The following CUL4A variants were observed in gnomAD, a reference collection of about 807,000 sequenced individuals.
The protein encoded by CUL4A is cullin 4A, also known as cullin-4A.
A neutral mutation model predicts 95.5 loss-of-function variants in CUL4A; 16 were observed. The ratio of observed to expected loss-of-function variants is 0.17; its 90% CI spans 0.11 to 0.25. The LOEUF is 0.25. Among genes scored for constraint, CUL4A ranks in the 10% least tolerant of loss-of-function variants. The pLI is 1.00. For synonymous variants in CUL4A, 380 were observed against 353.1 expected (o/e 1.08, Z -0.85); for missense variants, 610 against 937.0 (o/e 0.65, Z 4.56).
At chr13:113,245,863 C>A in intron 14 of CUL4A, 93 bp from the exon 15 acceptor site, 5 of 959,420 alleles carry the variant, frequency 5.2e-6, no homozygotes, top group Non-Finnish European at 7.8e-6. Context: ...ACAGATGAAA[C>A]TTTATATTGA....
chr13:113,231,974 A>ACCACCACCACCCGCCTACCACTGTTAC (rs2041328138), intron 5 of CUL4A, among the ~76,000 whole-genome samples: 2 of 147,950 alleles, frequency 1.4e-5, no homozygotes, highest in Non-Finnish European at 3.0e-5. Context: ...ATTATTAATA[A>ACCACCACCACCCGCCTACCACTGTTAC]TACTACCACC....
chr13:113,231,800 A>G (rs929312460), intron 5 of CUL4A, among the ~76,000 whole-genome samples: 3 of 152,168 alleles, frequency 2.0e-5, no homozygotes, highest in East Asian at 3.8e-4. Flanking sequence ...TGAAGTGCAC[A>G]GAAGACCTGG....
At chr13:113,244,851 A>C (rs897336573) in intron 12 of CUL4A, 98 bp from the exon 13 acceptor site, 7 of 817,664 alleles carry the variant, frequency 8.6e-6, no homozygotes, top group African/African-American at 3.5e-5. Flanking sequence ...AAAAAAAAAA[A>C]AAACACTTTT....
Position 113,242,958 on chromosome 13 carries a change from G to T in CUL4A, c.1036-10G>T. 1.3e-6 allele frequency: 2 copies of T among 1,596,392 alleles called. No individual in the cohort carries two copies. Among genetic ancestry groups the T allele is most frequent in the East Asian group, 2.2e-5 (1 of 44,448 alleles). On this transcript the variant is annotated splice_polypyrimidine_tract_variant and intron_variant, in intron 10 of 19. Coordinates refer to ENST00000375440, the MANE Select transcript of CUL4A (RefSeq NM_001008895.4). ...CATGTTGCTGAGTTGGTATTGATTT[G>T]CTTTTGTAGACTTTTGGAACAGCGA...
intron 2 of CUL4A, among the ~76,000 whole-genome samples, chr13:113,213,292 A>T (rs547866485): frequency 8.5e-5 from 13 of 152,260 alleles, no homozygotes; most frequent in African/African-American, 2.9e-4. Flanking sequence ...GGGCCCCCAC[A>T]CCACAACCTG....
intron 2 of CUL4A, among the ~76,000 whole-genome samples, chr13:113,214,137 T>G (rs190486493): frequency 6.6e-6 from 1 of 152,278 alleles, no homozygotes; most frequent in Admixed American, 6.5e-5. Flanking sequence ...CGTGTTTGGT[T>G]TTTGGTTTTG....
chr13:113,221,746 T>G (rs564242339), intron 3 of CUL4A, among the ~76,000 whole-genome samples: 4 of 151,998 alleles, frequency 2.6e-5, no homozygotes, highest in Non-Finnish European at 5.9e-5. Context: ...CTCGGCTAAT[T>G]TTTGTATTTT....
chr13:113,233,460 G>A (rs2041430683), intron 6 of CUL4A, 121 bp downstream of exon 6: 1 of 966,048 alleles, frequency 1.0e-6, no homozygotes, highest in East Asian at 2.6e-5. Flanking sequence ...AGATAGGAGA[G>A]TCTTTAAAAT....
intron 3 of CUL4A, among the ~76,000 whole-genome samples, chr13:113,222,677 T>C (rs2040944435): frequency 6.6e-6 from 1 of 152,162 alleles, no homozygotes; most frequent in African/African-American, 2.4e-5. Context: ...GCCTCTAACC[T>C]TAGCACTGCA....
At chr13:113,210,157 C>T (rs1390102834) in intron 2 of CUL4A, 69 bp downstream of exon 2, 1 of 1,066,504 alleles carries the variant, frequency 9.4e-7, no homozygotes, top group South Asian at 1.9e-5. Context: ...CGGGCGGCCG[C>T]TCCGGGTGCC....
At chr13:113,217,558 T>C (rs554804905) in intron 2 of CUL4A, among the ~76,000 whole-genome samples, 16 of 152,334 alleles carry the variant, frequency 1.1e-4, no homozygotes, top group Non-Finnish European at 1.8e-4. Context: ...AATCACTGTA[T>C]GTATTTAACT....
At chr13:113,214,952 C>G (rs989471951) in intron 2 of CUL4A, among the ~76,000 whole-genome samples, 1 of 146,452 alleles carries the variant, frequency 6.8e-6, no homozygotes, top group African/African-American at 2.5e-5. Context: ...CTGTGGAGGT[C>G]ACGTCCCATG....
intron 3 of CUL4A, among the ~76,000 whole-genome samples, chr13:113,223,945 A>G (rs1356188661): frequency 6.6e-6 from 1 of 152,090 alleles, no homozygotes; most frequent in African/African-American, 2.4e-5. Flanking sequence ...GGCCATTTGT[A>G]CCCTTGCACT....
intron 5 of CUL4A, among the ~76,000 whole-genome samples, chr13:113,231,874 A>G (rs1470319136): frequency 6.6e-6 from 1 of 152,094 alleles, no homozygotes; most frequent in African/African-American, 2.4e-5. Context: ...AGGGAGGTGC[A>G]CGTCTCCACC....
At chr13:113,235,773 A>T (rs1183655702) in intron 8 of CUL4A, among the ~76,000 whole-genome samples, 1 of 152,132 alleles carries the variant, frequency 6.6e-6, no homozygotes, top group South Asian at 2.1e-4. Flanking sequence ...GATCGAGACC[A>T]TCCTGACCAA....
chr13:113,232,606 A>T (rs1353005992), intron 5 of CUL4A, among the ~76,000 whole-genome samples: 1 of 152,168 alleles, frequency 6.6e-6, no homozygotes, highest in Non-Finnish European at 1.5e-5. Flanking sequence ...CAGCTGAACC[A>T]TCTTCCTAAC....
chr13:113,217,660 AT>A (rs2139103903), intron 2 of CUL4A, among the ~76,000 whole-genome samples: 1 of 152,240 alleles, frequency 6.6e-6, no homozygotes, highest in Non-Finnish European at 1.5e-5. Flanking sequence ...TATAACTTTA[AT>A]TTACCTTTTT....
intron 11 of CUL4A, among the ~76,000 whole-genome samples, chr13:113,243,442 A>G (rs1187318473): frequency 6.6e-6 from 1 of 152,156 alleles, no homozygotes; most frequent in South Asian, 2.1e-4. Flanking sequence ...AGGGGTGATC[A>G]CCATCTTTGT....
Position 113,209,989 on chromosome 13 carries a change from C to A in CUL4A, c.165C>A (p.Pro55=), listed in dbSNP as rs530579872. The change falls in exon 2 of 20, where the codon CCC becomes CCA. Residue 55 remains proline, a synonymous_variant. Coordinates refer to ENST00000375440, the MANE Select transcript of CUL4A (RefSeq NM_001008895.4). ...GCCCTGCAGACAGACCTCGGCTGCC[C>A]GACAACTACACGCAGGACACGTGGC... ...IKNFRDRPRL[P]DNYTQDTWRK... 2.6e-6 allele frequency: 4 copies of A among 1,515,232 alleles called. No homozygotes were observed. Among genetic ancestry groups the A allele is most frequent in the Middle Eastern group, 2.1e-4 (1 of 4,860 alleles). 93.9% of individuals were successfully genotyped at this position (1,515,232 alleles called of 1,614,324 possible).
Sources: gnomAD v4.1 joint callset for allele counts (sites outside exome capture counted in the v4.1 genomes callset) on GRCh38, gnomAD v4.1.1 for gene constraint, MANE v1.5 for transcripts, NCBI Gene and HGNC (gene_info 2026-07-23, HGNC 2026-07-21) for gene names.